The following TRDN variants were observed in gnomAD, a reference collection of about 807,000 sequenced individuals.
TRDN encodes the protein triadin.
Under a neutral mutation model 149.7 loss-of-function variants are expected in TRDN, and 161 were observed. The ratio of observed to expected loss-of-function variants is 1.08; its 90% CI spans 0.95 to 1.23. The LOEUF (loss-of-function observed/expected upper bound fraction) is 1.23. Ranked by LOEUF, TRDN falls within the 50% of genes most tolerant of loss-of-function variation. The pLI, the probability that TRDN is intolerant of heterozygous loss-of-function variation, is 0.00. For synonymous variants in TRDN, 294 were observed against 250.5 expected, an observed-to-expected ratio of 1.17 and a Z score of -1.64; for missense variants, 896 against 823.5, an observed-to-expected ratio of 1.09 and a Z score of -1.08.
At chr6:123,228,209 T>A (rs1775461584) in intron 38 of TRDN, among the ~76,000 whole-genome samples, 2 of 151,916 alleles carry the variant, frequency 1.3e-5, no homozygotes, top group Admixed American at 1.3e-4. Context: ...GGTGGGACAA[T>A]TAAAAATCAG....
intron 1 of TRDN, among the ~76,000 whole-genome samples, chr6:123,572,559 C>T (rs146742302): frequency 2.0e-4 from 30 of 152,184 alleles, no homozygotes; most frequent in South Asian, 1.9e-3. Context: ...TTTCATGTTA[C>T]ATTTAAGAAC....
intron 1 of TRDN, among the ~76,000 whole-genome samples, chr6:123,577,326 G>T (rs1009717834): frequency 1.3e-5 from 2 of 151,970 alleles, no homozygotes; most frequent in African/African-American, 4.8e-5. Context: ...AGGCCCCAGT[G>T]TCTGTTGTTC....
At chr6:123,399,943 C>G (rs1017499738) in intron 12 of TRDN, among the ~76,000 whole-genome samples, 8 of 151,862 alleles carry the variant, frequency 5.3e-5, no homozygotes, top group African/African-American at 1.9e-4. Flanking sequence ...ACAGTTAGGA[C>G]TCAAACACAA....
intron 1 of TRDN, among the ~76,000 whole-genome samples, chr6:123,589,172 C>T (rs561967510): frequency 1.1e-4 from 16 of 152,192 alleles, no homozygotes; most frequent in South Asian, 6.2e-4. Flanking sequence ...TAGAAGTTTG[C>T]GGAAAGAATC....
chr6:123,429,484 T>C (rs1486097968), intron 12 of TRDN, among the ~76,000 whole-genome samples: 1 of 152,190 alleles, frequency 6.6e-6, no homozygotes, highest in Non-Finnish European at 1.5e-5. Context: ...TTACTTGCAC[T>C]GAAAGGAAAA....
chr6:123,320,809 G>A (rs758021548), intron 23 of TRDN, among the ~76,000 whole-genome samples: 1 of 151,540 alleles, frequency 6.6e-6, no homozygotes, highest in Non-Finnish European at 1.5e-5. Flanking sequence ...AACATATACA[G>A]TATAATCACA....
chr6:123,590,112 C>T (rs1783707030), intron 1 of TRDN, among the ~76,000 whole-genome samples: 1 of 152,112 alleles, frequency 6.6e-6, no homozygotes, highest in Non-Finnish European at 1.5e-5. Context: ...AACCCCCAGG[C>T]CACGGACCCA....
At chr6:123,558,561 G>C (rs1781804402) in intron 2 of TRDN, among the ~76,000 whole-genome samples, 1 of 152,090 alleles carries the variant, frequency 6.6e-6, no homozygotes, top group Non-Finnish European at 1.5e-5. Context: ...CCCAGTTCAT[G>C]GCTTGTTTGG....
In TRDN at chr6:123,332,233, G is replaced by A. The variant is rs576846618; in HGVS notation, c.1421-304C>T. Among the ~76,000 whole-genome samples the A allele has an allele frequency of 3.3e-5, 5 of 151,936 alleles. No homozygotes were observed. In the South Asian group the frequency reaches 1.0e-3, roughly 32 times the overall value. ...TATTTATGTGTAATTTTTAAAAATC[G>A]CATGACTTCAGCATGCAGAAGTCTT... On this transcript the variant is annotated intron_variant, in intron 22 of 40. Coordinates refer to ENST00000334268, the MANE Select transcript of TRDN (RefSeq NM_006073.4).
chr6:123,400,918 G>A (rs145350893), intron 12 of TRDN, among the ~76,000 whole-genome samples: 12 of 152,186 alleles, frequency 7.9e-5, no homozygotes, highest in Admixed American at 5.9e-4. Context: ...AAAATATAAC[G>A]TAATAAGAAT....
intron 10 of TRDN, chr6:123,462,474 A>T (rs1776506007): frequency 6.6e-6 from 1 of 152,022 alleles, no homozygotes; most frequent in South Asian, 2.1e-4. Context: ...TTTTACCCAT[A>T]CAGAGCCACA....
chr6:123,505,570 G>A (rs1033905197), intron 7 of TRDN, among the ~76,000 whole-genome samples: 1 of 152,114 alleles, frequency 6.6e-6, no homozygotes, highest in Non-Finnish European at 1.5e-5. Context: ...AGCTAACCTG[G>A]TCATTTAGCT....
At chr6:123,420,726 T>C (rs780134698) in intron 12 of TRDN, among the ~76,000 whole-genome samples, 23 of 152,228 alleles carry the variant, frequency 1.5e-4, no homozygotes, top group Admixed American at 3.9e-4. Context: ...ATCTGCTTCA[T>C]ACTGGCATTA....
chr6:123,347,200 G>A (rs879862152), intron 21 of TRDN, among the ~76,000 whole-genome samples: 1 of 152,018 alleles, frequency 6.6e-6, no homozygotes, highest in Non-Finnish European at 1.5e-5. Flanking sequence ...TCCTGCCATT[G>A]TACCAATGAA....
intron 21 of TRDN, among the ~76,000 whole-genome samples, chr6:123,345,668 T>C (rs2114271515): frequency 6.6e-6 from 1 of 152,224 alleles, no homozygotes; most frequent in East Asian, 1.9e-4. Flanking sequence ...AGCTTGACAA[T>C]ACTAAGTCAT....
chr6:123,253,731 C>T (rs1215947011), intron 37 of TRDN, among the ~76,000 whole-genome samples: 2 of 152,058 alleles, frequency 1.3e-5, no homozygotes, highest in African/African-American at 4.8e-5. Context: ...GACTTTAAAA[C>T]GATAGATTCA....
intron 1 of TRDN, among the ~76,000 whole-genome samples, chr6:123,612,711 A>G (rs935495457): frequency 6.6e-6 from 1 of 150,622 alleles, no homozygotes; most frequent in African/African-American, 2.5e-5. Flanking sequence ...AGATGAAGAC[A>G]TCTTGACATA....
At chr6:123,454,431 A>G (rs1186003718) in intron 10 of TRDN, among the ~76,000 whole-genome samples, 1 of 152,224 alleles carries the variant, frequency 6.6e-6, no homozygotes, top group Non-Finnish European at 1.5e-5. Flanking sequence ...TTTCAAGACA[A>G]TAAGAAATTA....
chr6:123,571,154 A>C, intron 1 of TRDN, 22 bp from the exon 2 acceptor site: 1 of 1,611,058 alleles, frequency 6.2e-7, no homozygotes, highest in Non-Finnish European at 8.5e-7. Context: ...TTCAGAAAGG[A>C]AAATATAATT....
Sources: gnomAD v4.1 joint callset for allele counts (sites outside exome capture counted in the v4.1 genomes callset) on GRCh38, gnomAD v4.1.1 for gene constraint, MANE v1.5 for transcripts, NCBI Gene and HGNC (gene_info 2026-07-23, HGNC 2026-07-21) for gene names.